Variants in CSNK1A1 observed in about 807,000 individuals in gnomAD.
The protein encoded by CSNK1A1 is casein kinase 1 alpha 1.
A neutral mutation model predicts 46.1 loss-of-function variants in CSNK1A1; 7 were observed. The ratio of observed to expected loss-of-function variants is 0.15; its 90% CI spans 0.09 to 0.29. The LOEUF is 0.29. Among genes scored for constraint, CSNK1A1 ranks in the 10% least tolerant of loss-of-function variants. CSNK1A1 has a pLI of 1.00. For missense variants in CSNK1A1, 96 were observed against 417.1 expected (o/e 0.23, Z 6.71); for synonymous variants, 137 against 141.5 (o/e 0.97, Z 0.23).
At position 149,517,433 on chromosome 5, in the gene CSNK1A1, T is replaced by G. The variant is rs916481209; in HGVS notation, c.456+2857A>C. ...ATTTAAATATATTTCGTGCATTAAG[T>G]TGTGTAACTCCAAATAAATTTTTAA... On this transcript the variant is annotated intron_variant, in intron 4 of 9. Transcript: ENST00000377843. The surrounding 1 kb of genome is among the most constrained non-coding windows in gnomAD (Gnocchi z 4.4). Among the ~76,000 whole-genome samples the G allele has an allele frequency of 6.6e-6, 1 of 152,192 alleles. No homozygotes were observed. The highest frequency in any genetic ancestry group is 2.4e-5 in the African/African-American group (1 of 41,456).
chr5:149,499,406 T>C, intron 9 of CSNK1A1: 1 of 289,964 alleles, frequency 3.4e-6, no homozygotes, highest in Non-Finnish European at 5.1e-6. Context: ...AAAAAAAAGT[T>C]TATTTTTATA....
At chr5:149,519,439 A>G (rs1329040638) in intron 4 of CSNK1A1, among the ~76,000 whole-genome samples, 1 of 152,240 alleles carries the variant, frequency 6.6e-6, no homozygotes, top group African/African-American at 2.4e-5. Flanking sequence ...ATCAGATCAC[A>G]ACATGCTTAG....
chr5:149,501,310 G>A (rs952950325), intron 9 of CSNK1A1: 20 of 985,232 alleles, frequency 2.0e-5, no homozygotes, highest in East Asian at 1.1e-4. Flanking sequence ...AAGAAGATGC[G>A]GTTCCCTGGT....
chr5:149,541,570 A>G (rs538150326), intron 2 of CSNK1A1, among the ~76,000 whole-genome samples: 1 of 152,346 alleles, frequency 6.6e-6, no homozygotes, highest in South Asian at 2.1e-4. Flanking sequence ...TTAAATGATG[A>G]AAGTTATGAA....
At chr5:149,501,231 T>C in intron 9 of CSNK1A1, 1 of 985,344 alleles carries the variant, frequency 1.0e-6, no homozygotes, top group Non-Finnish European at 1.2e-6. Flanking sequence ...TCCTGTTGGG[T>C]TATTTAGATC....
chr5:149,520,217 T>G (rs1007608095), intron 4 of CSNK1A1, 73 bp downstream of exon 4: 2 of 950,724 alleles, frequency 2.1e-6, no homozygotes, highest in African/African-American at 1.6e-5. Context: ...TTTAAAAGAT[T>G]GAAAAGTTTA....
At chr5:149,515,989 C>T (rs1761387957) in intron 4 of CSNK1A1, among the ~76,000 whole-genome samples, 1 of 152,150 alleles carries the variant, frequency 6.6e-6, no homozygotes, top group Non-Finnish European at 1.5e-5. Flanking sequence ...ACAATGCAGC[C>T]TATTCTTCAA....
At chr5:149,521,874 C>A (rs1243153854) in intron 3 of CSNK1A1, among the ~76,000 whole-genome samples, 1 of 152,136 alleles carries the variant, frequency 6.6e-6, no homozygotes, top group Admixed American at 6.5e-5. Flanking sequence ...TCCCAAAGAG[C>A]TGGGATTACA....
intron 9 of CSNK1A1, 49 bp downstream of exon 9, chr5:149,505,398 T>C (rs760560736): frequency 6.3e-7 from 1 of 1,581,094 alleles, no homozygotes; most frequent in East Asian, 2.3e-5. Flanking sequence ...TTACCCAATT[T>C]TGTATTCAAT....
chr5:149,530,754 C>T (rs1036156926), intron 2 of CSNK1A1, among the ~76,000 whole-genome samples: 1 of 151,602 alleles, frequency 6.6e-6, no homozygotes, highest in Non-Finnish European at 1.5e-5. Flanking sequence ...GATCATGAGG[C>T]CAGGAGTTCG....
At chr5:149,530,915 G>A (rs1761872925) in intron 2 of CSNK1A1, among the ~76,000 whole-genome samples, 1 of 120,438 alleles carries the variant, frequency 8.3e-6, no homozygotes, top group South Asian at 2.8e-4. Flanking sequence ...GCCATGAGCT[G>A]AGATCTCGCC....
In CSNK1A1 at chr5:149,495,968, A is replaced by C. The variant is rs919143734; in HGVS notation, c.*885T>G. On this transcript the variant is annotated 3_prime_UTR_variant, in exon 10 of 10. Coordinates refer to ENST00000377843, the MANE Select transcript of CSNK1A1 (RefSeq NM_001892.6). ...CAGCAAGGCATTTTTTGTTGTTTAA[A>C]AAAAATCTCATTTCCTTACAGAAAC... The C allele has an allele frequency of 2.6e-5, 4 of 152,570 alleles. No homozygotes were observed. Among genetic ancestry groups the C allele is most frequent in the Admixed American group, 1.3e-4 (2 of 15,274 alleles). The allele number at this position is 152,570 out of a possible 1,614,324, so 9.5% of individuals were successfully genotyped here. A position where few individuals can be genotyped will look rare whatever the true frequency, so the allele number is the denominator to read the frequency against.
intron 2 of CSNK1A1, among the ~76,000 whole-genome samples, chr5:149,528,625 C>G (rs1397587820): frequency 6.6e-6 from 1 of 152,140 alleles, no homozygotes; most frequent in Non-Finnish European, 1.5e-5. Flanking sequence ...TACCTTCAAT[C>G]CCAACCTTAA....
chr5:149,529,945 GA>G (rs564419195), intron 2 of CSNK1A1, among the ~76,000 whole-genome samples: 3 of 151,290 alleles, frequency 2.0e-5, no homozygotes, highest in Non-Finnish European at 2.9e-5. Flanking sequence ...GAGTATTTGA[GA>G]AAAAAAATAC....
intron 2 of CSNK1A1, among the ~76,000 whole-genome samples, chr5:149,547,666 A>G (rs1050034013): frequency 6.6e-6 from 1 of 152,072 alleles, no homozygotes; most frequent in Admixed American, 6.6e-5. Flanking sequence ...ATTTTCCCAC[A>G]TAGTAGGTTT....
chr5:149,513,006 T>C, intron 5 of CSNK1A1, 64 bp downstream of exon 5: 2 of 1,582,818 alleles, frequency 1.3e-6, no homozygotes, highest in Non-Finnish European at 1.7e-6. Context: ...AACTAAAATA[T>C]TTCAAAAACC....
In CSNK1A1 at chr5:149,494,941, G is replaced by A. The variant is rs971291241; in HGVS notation, c.*1912C>T. 6.6e-6 allele frequency: 1 copy of A among 152,142 alleles called. No individual in the cohort carries two copies. The highest frequency in any genetic ancestry group is 1.5e-5 in the Non-Finnish European group (1 of 68,018). The allele number at this position is 152,142 out of a possible 1,614,324, so 9.4% of individuals were successfully genotyped here. On this transcript the variant is annotated 3_prime_UTR_variant, in exon 10 of 10. Coordinates refer to ENST00000377843, the MANE Select transcript of CSNK1A1 (RefSeq NM_001892.6). ...TATCTTGCTAGAGGGAGTTCAGCTT[G>A]GAAGTTATTACCAAAGCTAAACATT... is the stretch of plus-strand genomic sequence containing the variant.
At chr5:149,507,678 G>A (rs552630068) in intron 7 of CSNK1A1, among the ~76,000 whole-genome samples, 4 of 152,080 alleles carry the variant, frequency 2.6e-5, no homozygotes, top group African/African-American at 9.6e-5. Flanking sequence ...TGCCAAGGAT[G>A]GTCTCAAATT....
chr5:149,500,810 T>TA (rs34965894), intron 9 of CSNK1A1, among the ~76,000 whole-genome samples: 22,935 of 143,582 alleles, frequency 0.16, 2,217 homozygotes, highest in East Asian at 0.5. Context: ...AAAGAATAAT[T>TA]AAAAAAAAAA....
Sources: allele counts gnomAD v4.1 joint callset (sites outside exome capture counted in the v4.1 genomes callset), GRCh38; gene constraint gnomAD v4.1.1; non-coding constraint Gnocchi (gnomAD v3.1); transcripts MANE v1.5; gene names NCBI Gene and HGNC (gene_info 2026-07-23, HGNC 2026-07-21).